Variants in APH1A observed in about 807,000 individuals in gnomAD.
The protein encoded by APH1A is aph-1A gamma-secretase subunit, also known as gamma-secretase subunit APH-1A.
APH1A carries 16 observed loss-of-function variants against 30.3 expected under a neutral mutation model. The ratio of observed to expected loss-of-function variants is 0.53; its 90% CI spans 0.36 to 0.80. APH1A has a LOEUF of 0.80. APH1A is among the 30% of genes least tolerant of loss of function. APH1A has a pLI of 0.01. For missense variants in APH1A, 245 were observed against 337.8 expected, an observed-to-expected ratio of 0.73 and a Z score of 2.15; for synonymous variants, 144 against 140.1, an observed-to-expected ratio of 1.03 and a Z score of -0.20.
rs1553850455 is a variant in APH1A, at chr1:150,268,678, C to T, written c.113+20G>A. 1.3e-6 allele frequency: 2 copies of T among 1,599,790 alleles called. No individual in the cohort carries two copies. Among genetic ancestry groups the T allele is most frequent in the Non-Finnish European group, 1.7e-6 (2 of 1,172,784 alleles). ...CTCTCTCTTCGACGCTCTCCCGCGT[C>T]TCCCGGGCCCTCTACTCACCCTGCG... On this transcript the variant is annotated intron_variant, in intron 1 of 6. Transcript: ENST00000369109.
intron 6 of APH1A, 128 bp downstream of exon 6, chr1:150,266,405 G>C: frequency 2.0e-6 from 3 of 1,536,018 alleles, no homozygotes; most frequent in East Asian, 2.3e-5. Flanking sequence ...TGGAGGTAGT[G>C]GGGTAGACCG....
At chr1:150,266,324 G>T in intron 6 of APH1A, 130 bp from the exon 7 acceptor site, 2 of 1,489,918 alleles carry the variant, frequency 1.3e-6, no homozygotes, top group South Asian at 2.7e-5. Context: ...ACCAGTCACT[G>T]ACTGGCTGAA....
At chr1:150,268,648 C>A in intron 1 of APH1A, 50 bp downstream of exon 1, 1 of 1,550,266 alleles carries the variant, frequency 6.5e-7, no homozygotes, top group East Asian at 2.3e-5. Context: ...CAGCCCCTTC[C>A]GCACCTCTCT....
intron 2 of APH1A, 55 bp from the exon 3 acceptor site, chr1:150,267,844 C>G: frequency 1.9e-6 from 3 of 1,612,938 alleles, no homozygotes; most frequent in Non-Finnish European, 2.5e-6. Flanking sequence ...GCTCCTTTCC[C>G]TCTAATGTCC....
Position 150,267,986 on chromosome 1 carries a change from C to A in APH1A, c.255G>T (p.Val85=), listed in dbSNP as rs1553850303. ...GCAGCTTGTAGTAGGCAAAGCGGAA[C>A]ACCTCCTGTAGAAGGACAGAGACAG... ...GAAVSVLLQE[V]FRFAYYKLLK... is the part of the protein sequence containing the mutation. The change falls in exon 2 of 7, where the codon GTG becomes GTT. Residue 85 remains valine (V), a synonymous_variant. Coordinates refer to ENST00000369109, the MANE Select transcript of APH1A (RefSeq NM_001077628.3). The A allele has an allele frequency of 6.2e-7, 1 of 1,614,166 alleles. No individual in the cohort carries two copies. Among genetic ancestry groups the A allele is most frequent in the South Asian group, 1.1e-5 (1 of 91,082 alleles).
chr1:150,268,773 G>A lies in APH1A; in HGVS notation c.38C>T (p.Ala13Val). The A allele has an allele frequency of 6.2e-7, 1 of 1,613,794 alleles. No homozygotes were observed. Among genetic ancestry groups the A allele is most frequent in the Non-Finnish European group, 8.5e-7 (1 of 1,179,914 alleles). Residue 13 changes from alanine to valine, a missense_variant, in exon 1 of 7, where the codon GCG (alanine) becomes GTG (valine). Ala to Val is a moderately conservative substitution (Grantham distance 64). Transcript: ENST00000369109. Reference protein sequence around the residue: ...AAVFFGCTFVAFGPAFALFLI... With the variant: ...AAVFFGCTFVVFGPAFALFLI... ...GAAAAGCGCGAAGGCCGGGCCGAACGCGACGAAAGTGCAGCCGAAAAACAC... is the reference window on the plus strand; with the variant it reads ...GAAAAGCGCGAAGGCCGGGCCGAACACGACGAAAGTGCAGCCGAAAAACAC...
Position 150,267,368 on chromosome 1 carries a change from A to G in APH1A, c.469T>C (p.Phe157Leu), listed in dbSNP as rs782645515. The change falls in exon 4 of 7, where the codon TTC (phenylalanine) becomes CTC (leucine). Residue 157 changes from phenylalanine (F) to leucine (L), a missense_variant. Transcript: ENST00000369109. ...VGIHGDSPYYFLTSAFLTAAI... is the reference protein window; with the variant it reads ...VGIHGDSPYYLLTSAFLTAAI... ...AGGTGGATCTTACCTGAAGTCAGGA[A>G]GTAATAGGGTGAGTCTCCATGGATC... The G allele has an allele frequency of 6.2e-7, 1 of 1,614,136 alleles. No individual in the cohort carries two copies. Among genetic ancestry groups the G allele is most frequent in the South Asian group, 1.1e-5 (1 of 91,070 alleles).
rs1651797984 is a variant in APH1A, at chr1:150,267,210, G to A, written c.482-8C>T. Reference sequence around the variant, plus strand: ...TGGCTGCTGTCAGAAAGGCTGCAGGGAGGGAGATGGGGAGGAGATACATCC... The same window carrying A: ...TGGCTGCTGTCAGAAAGGCTGCAGGAAGGGAGATGGGGAGGAGATACATCC... On this transcript the variant is annotated splice_polypyrimidine_tract_variant and splice_region_variant and intron_variant, in intron 4 of 6. Transcript: ENST00000369109. 6.2e-7 allele frequency: 1 copy of A among 1,614,194 alleles called. No individual in the cohort carries two copies. Among genetic ancestry groups the A allele is most frequent in the Non-Finnish European group, 8.5e-7 (1 of 1,180,024 alleles).
chr1:150,268,171 G>A, intron 1 of APH1A, 44 bp from the exon 2 acceptor site: 1 of 1,591,274 alleles, frequency 6.3e-7, no homozygotes, highest in Non-Finnish European at 8.6e-7. Flanking sequence ...AGTAGTGGGA[G>A]CCAGAGAAAT....
chr1:150,267,660 T>C, intron 3 of APH1A, 56 bp downstream of exon 3: 1 of 1,585,764 alleles, frequency 6.3e-7, no homozygotes, highest in East Asian at 2.3e-5. Context: ...TTTAGAGACT[T>C]CCCTAGAGGA....
At position 150,268,842 on chromosome 1, in the gene APH1A, T is replaced by C. The variant is rs374205050; in HGVS notation, c.-32A>G. 13 of 1,583,170 alleles carry C rather than the reference T, an allele frequency of 8.2e-6. No homozygotes were observed. Among genetic ancestry groups the C allele is most frequent in the Middle Eastern group, 3.3e-4 (2 of 6,006 alleles). On this transcript the variant is annotated 5_prime_UTR_variant, in exon 1 of 7. Coordinates refer to ENST00000369109, the MANE Select transcript of APH1A (RefSeq NM_001077628.3). ...TCAGGTGGGAAGGGGGGTGGGGGCC[T>C]GACCAGGACAGGCAAATGGGAGGGG...
At chr1:150,266,228 G>A in intron 6 of APH1A, 34 bp from the exon 7 acceptor site, 2 of 1,576,610 alleles carry the variant, frequency 1.3e-6, no homozygotes, top group Non-Finnish European at 1.7e-6. Flanking sequence ...TCTTGGGCAG[G>A]GTGAGAGCAG....
At chr1:150,266,922 A>T in intron 5 of APH1A, 153 bp downstream of exon 5, 1 of 1,285,066 alleles carries the variant, frequency 7.8e-7, no homozygotes, top group Non-Finnish European at 1.1e-6. Context: ...AGGTGATAGA[A>T]ATGATGCTGA....
intron 6 of APH1A, 87 bp downstream of exon 6, chr1:150,266,446 G>C (rs1390946117): frequency 6.3e-7 from 1 of 1,591,364 alleles, no homozygotes; most frequent in Non-Finnish European, 8.6e-7. Flanking sequence ...GTGGGCAATG[G>C]ACCCGGGCTG....
rs201620153 is a variant in APH1A at position 150,267,147 on chromosome 1, A to G, written c.537T>C (p.Phe179=). 3.7e-6 allele frequency: 6 copies of G among 1,614,210 alleles called. No homozygotes were observed. In the South Asian group the frequency reaches 5.5e-5, roughly 15 times the overall value. ...LLHTFWGVVF[F]DACERRRYWA... ...AGTACCGTCTCCTCTCACAGGCATC[A>G]AAGAACACAACTCCCCAAAAGGTAT... is the stretch of plus-strand genomic sequence containing the variant. The change falls in exon 5 of 7, where the codon TTT becomes TTC. Residue 179 remains phenylalanine, a synonymous_variant. Transcript: ENST00000369109.
Position 150,268,905 on chromosome 1 carries a change from A to T in APH1A, c.-95T>A. The T allele has an allele frequency of 9.2e-7, 1 of 1,090,598 alleles. No homozygotes were observed. Among genetic ancestry groups the T allele is most frequent in the Non-Finnish European group, 1.3e-6 (1 of 747,582 alleles). The allele number at this position is 1,090,598 out of a possible 1,614,324, so 67.6% of individuals were successfully genotyped here. On this transcript the variant is annotated 5_prime_UTR_variant, in exon 1 of 7. Coordinates refer to ENST00000369109, the MANE Select transcript of APH1A (RefSeq NM_001077628.3). ...GGAGTCCGCGTGGGGTGGCAACGCG[A>T]CCCCACGAGGGGCGCGGTGCAATGT...
chr1:150,268,223 T>G, intron 1 of APH1A, 96 bp from the exon 2 acceptor site: 1 of 1,414,842 alleles, frequency 7.1e-7, no homozygotes, highest in Non-Finnish European at 9.5e-7. Flanking sequence ...AAGTGGAAGT[T>G]AGCCTTCCGG....
chr1:150,268,742 G>T lies in APH1A; in HGVS notation c.69C>A (p.Ile23=). The T allele has an allele frequency of 4.3e-6, 7 of 1,613,828 alleles. No homozygotes were observed. The highest frequency in any genetic ancestry group is 1.1e-5 in the South Asian group (1 of 91,038). Residue 23 remains isoleucine (I), a synonymous_variant, in exon 1 of 7, where the codon ATC becomes ATA. Coordinates refer to ENST00000369109, the MANE Select transcript of APH1A (RefSeq NM_001077628.3). ...AFGPAFALFL[I]TVAGDPLRVI... is the part of the protein sequence containing the mutation. Reference sequence around the variant, plus strand: ...CGCGAAGCGGGTCCCCAGCCACAGTGATCAAGAAAAGCGCGAAGGCCGGGC... The same window carrying T: ...CGCGAAGCGGGTCCCCAGCCACAGTTATCAAGAAAAGCGCGAAGGCCGGGC...
Position 150,266,214 on chromosome 1 carries a change from T to G in APH1A, c.734-20A>C. 1.3e-6 allele frequency: 2 copies of G among 1,587,772 alleles called. No individual in the cohort carries two copies. The highest frequency in any genetic ancestry group is 1.7e-6 in the Non-Finnish European group (2 of 1,167,276). On this transcript the variant is annotated intron_variant, in intron 6 of 6. Coordinates refer to ENST00000369109, the MANE Select transcript of APH1A (RefSeq NM_001077628.3). ...GTCGGCCTGCAGAGGGGAAGGGAGG[T>G]GAGTCTTGGGCAGGGTGAGAGCAGA...
Sources: gnomAD v4.1 joint callset for allele counts on GRCh38, gnomAD v4.1.1 for gene constraint, MANE v1.5 for transcripts, NCBI Gene and HGNC (gene_info 2026-07-23, HGNC 2026-07-21) for gene names.